Variants in IWS1 observed in about 807,000 individuals in gnomAD.
IWS1 encodes the protein protein IWS1 homolog.
In IWS1, 27 loss-of-function variants were observed where a neutral mutation model predicts 86.7. That is an observed-to-expected ratio of 0.31 (90% CI 0.23 to 0.43). IWS1 has a LOEUF of 0.43. IWS1 is among the 20% of genes least tolerant of loss of function. IWS1 has a pLI of 1.00. For synonymous variants in IWS1, 313 were observed against 335.1 expected, an observed-to-expected ratio of 0.93 and a Z score of 0.72; for missense variants, 827 against 1,000.8, an observed-to-expected ratio of 0.83 and a Z score of 2.34.
chr2:127,503,575 T>C lies in IWS1; in HGVS notation c.1221A>G (p.Ser407=). Residue 407 remains serine, a splice_region_variant and synonymous_variant, in exon 4 of 14, where the codon TCA becomes TCG. Transcript: ENST00000295321. ...LSDSEDEEKA[S]AKKSRVVSDA... is the part of the protein sequence containing the mutation. The stretch of plus-strand genomic sequence containing the variant: ...CAGAGACAACACGACTCTTCTTTGC[T>C]GCTGTTGAAAAAGAAAATCATCATT... 1.3e-6 allele frequency: 2 copies of C among 1,562,538 alleles called. No homozygotes were observed. The highest frequency in any genetic ancestry group is 1.7e-6 in the Non-Finnish European group (2 of 1,153,026).
Position 127,481,195 on chromosome 2 carries a change from TA to T in IWS1, c.2329-21del. 1 of 1,584,644 alleles carries T rather than the reference TA, an allele frequency of 6.3e-7. No homozygotes were observed. Among genetic ancestry groups the T allele is most frequent in the Non-Finnish European group, 8.5e-7 (1 of 1,171,214 alleles). On this transcript the variant is annotated intron_variant, in intron 13 of 13. Transcript: ENST00000295321. Reference sequence around the variant, plus strand: ...CTGAAACTAAGAGTAAGGGAAAAATTAAAGAGCAAACTACTGAAATACGTAA... The same window carrying T: ...CTGAAACTAAGAGTAAGGGAAAAATTAAGAGCAAACTACTGAAATACGTAA...
chr2:127,496,723 A>G (rs12466957), intron 6 of IWS1, among the ~76,000 whole-genome samples: 77,002 of 151,826 alleles, frequency 0.51, 21,380 homozygotes, highest in Admixed American at 0.66. Context: ...AGGCCCACAC[A>G]ACATGCCTGG....
At position 127,505,123 on chromosome 2, in the gene IWS1, G is replaced by A. The variant is rs1223344985; in HGVS notation, c.780C>T (p.Ala260=). 9.3e-6 allele frequency: 15 copies of A among 1,610,884 alleles called. No individual in the cohort carries two copies. Among genetic ancestry groups the A allele is most frequent in the Non-Finnish European group, 1.3e-5 (15 of 1,178,168 alleles). ...SESEDPPRHQ[A]SDSENEELPK... Reference sequence around the variant, plus strand: ...GAAGCTCTTCATTTTCTGAGTCACTGGCCTGGTGCCTCGGAGGGTCCTCAC... The same window carrying A: ...GAAGCTCTTCATTTTCTGAGTCACTAGCCTGGTGCCTCGGAGGGTCCTCAC... The change falls in exon 3 of 14, where the codon GCC becomes GCT. Residue 260 remains alanine (A), a synonymous_variant. Coordinates refer to ENST00000295321, the MANE Select transcript of IWS1 (RefSeq NM_017969.3). This position sits in a 1 kb window ranked among gnomAD's most constrained non-coding sequence, Gnocchi z 5.0.
intron 1 of IWS1, among the ~76,000 whole-genome samples, chr2:127,525,810 G>A (rs184133008): frequency 6.6e-6 from 1 of 152,308 alleles, no homozygotes; most frequent in Non-Finnish European, 1.5e-5. Flanking sequence ...GCAGTGAAAA[G>A]TCTAGGAAGG....
rs997476618 is a variant in IWS1, at chr2:127,489,607, G to C, written c.2159+225C>G. Reference sequence around the variant, plus strand: ...CACAAGCAATCAGTATCCTGAAACAGGCCCTGTTCCAACAAACTGACCCAG... The same window carrying C: ...CACAAGCAATCAGTATCCTGAAACACGCCCTGTTCCAACAAACTGACCCAG... On this transcript the variant is annotated intron_variant, in intron 11 of 13. Coordinates refer to ENST00000295321, the MANE Select transcript of IWS1 (RefSeq NM_017969.3). The surrounding 1 kb of genome is among the most constrained non-coding windows in gnomAD (Gnocchi z 4.8). The C allele has an allele frequency of 1.8e-6, 1 of 546,526 alleles. No individual in the cohort carries two copies. The highest frequency in any genetic ancestry group is 3.2e-6 in the Non-Finnish European group (1 of 309,722). 33.9% of individuals were successfully genotyped at this position (546,526 alleles called of 1,614,324 possible).
At chr2:127,487,816 C>T (rs1256757515) in intron 12 of IWS1, among the ~76,000 whole-genome samples, 1 of 152,186 alleles carries the variant, frequency 6.6e-6, no homozygotes, top group Non-Finnish European at 1.5e-5. Flanking sequence ...TCCCAAAGTG[C>T]TGGGATTACA....
At chr2:127,487,600 G>C (rs1689993716) in intron 12 of IWS1, among the ~76,000 whole-genome samples, 1 of 152,178 alleles carries the variant, frequency 6.6e-6, no homozygotes, top group Admixed American at 6.5e-5. Flanking sequence ...GCCCGGGCTA[G>C]AGTGCAGTGG....
intron 2 of IWS1, among the ~76,000 whole-genome samples, chr2:127,508,081 T>A (rs1691239877): frequency 1.3e-5 from 2 of 152,116 alleles, no homozygotes; most frequent in Admixed American, 1.3e-4. Context: ...ATACTCAACG[T>A]GTATTTGTTA....
chr2:127,488,473 C>T (rs1478103034), intron 12 of IWS1, among the ~76,000 whole-genome samples: 1 of 152,178 alleles, frequency 6.6e-6, no homozygotes, highest in African/African-American at 2.4e-5. Flanking sequence ...TCAACTCTAG[C>T]CATCTTCTCT....
At chr2:127,523,511 A>C (rs1268330024) in intron 2 of IWS1, among the ~76,000 whole-genome samples, 165 bp downstream of exon 2, 1 of 152,208 alleles carries the variant, frequency 6.6e-6, no homozygotes, top group African/African-American at 2.4e-5. Context: ...CAGTAACCAG[A>C]CCATCCCTAT....
At chr2:127,485,892 G>C (rs2030252) in intron 13 of IWS1, 6 of 152,652 alleles carry the variant, frequency 3.9e-5, no homozygotes, top group Non-Finnish European at 8.8e-5. Flanking sequence ...TATATACTCT[G>C]GTAGGGCCAG....
chr2:127,493,794 T>A (rs560718190), intron 8 of IWS1, among the ~76,000 whole-genome samples: 4 of 148,694 alleles, frequency 2.7e-5, no homozygotes, highest in Admixed American at 2.7e-4. Context: ...GATTTGCTCT[T>A]CTCTGCAGGA....
At chr2:127,481,642 AGAT>A in intron 13 of IWS1, among the ~76,000 whole-genome samples, 1 of 152,332 alleles carries the variant, frequency 6.6e-6, no homozygotes, top group Non-Finnish European at 1.5e-5. Flanking sequence ...AAATGAGGTT[AGAT>A]GATTAGTGAA....
chr2:127,489,837 C>T lies in IWS1; in HGVS notation c.2154G>A (p.Met718Ile), dbSNP rs778455803. 1 of 1,568,072 alleles carries T rather than the reference C, an allele frequency of 6.4e-7. No homozygotes were observed. The highest frequency in any genetic ancestry group is 8.8e-7 in the Non-Finnish European group (1 of 1,138,078). ...DLEQMPQRRR[M>I]NSTGGQTPRR... is the part of the protein sequence containing the mutation. ...TCATACCTGTTCCCTCATACCTGTT[C>T]ATTCTTCGTCGTTGAGGCATCTGTT... Residue 718 changes from methionine to isoleucine, a missense_variant, in exon 11 of 14, where the codon ATG becomes ATA. This residue lies in a region of IWS1 where 279 missense variants were observed against 440.6 expected (regional missense o/e 0.63). Transcript: ENST00000295321. The surrounding 1 kb of genome is among the most constrained non-coding windows in gnomAD (Gnocchi z 4.8).
intron 2 of IWS1, among the ~76,000 whole-genome samples, chr2:127,508,188 G>C (rs1204364220): frequency 1.3e-5 from 2 of 152,202 alleles, no homozygotes; most frequent in Admixed American, 6.5e-5. Context: ...AAGACACCAA[G>C]AATCCAGGCG....
intron 2 of IWS1, among the ~76,000 whole-genome samples, chr2:127,518,361 C>CA (rs1194792247): frequency 6.6e-6 from 1 of 152,014 alleles, no homozygotes; most frequent in Non-Finnish European, 1.5e-5. Flanking sequence ...ACTATAAATA[C>CA]AAAAATTAGC....
chr2:127,483,571 C>CGGGGGGGGGGGGGGGGGGGGG (rs1419283644), intron 13 of IWS1, among the ~76,000 whole-genome samples: 6 of 20,170 alleles, frequency 3.0e-4, no homozygotes, highest in African/African-American at 1.2e-3. Context: ...ATAATTTGGT[C>CGGGGGGGGGGGGGGGGGGGGG]GGGGCGGGGG....
At chr2:127,501,085 A>G (rs1220879902) in intron 5 of IWS1, among the ~76,000 whole-genome samples, 1 of 152,202 alleles carries the variant, frequency 6.6e-6, no homozygotes, top group Non-Finnish European at 1.5e-5. Context: ...AGACTTATAC[A>G]CATACTTTTG....
intron 2 of IWS1, among the ~76,000 whole-genome samples, chr2:127,515,436 C>T (rs1691718191): frequency 6.6e-6 from 1 of 152,190 alleles, no homozygotes; most frequent in Non-Finnish European, 1.5e-5. Flanking sequence ...GGTCCTCACC[C>T]ATACACACAT....
Sources: gnomAD v4.1 joint callset for allele counts (sites outside exome capture counted in the v4.1 genomes callset) on GRCh38, gnomAD v4.1.1 for gene constraint, gnomAD v4.1.1 regional missense constraint, Gnocchi (gnomAD v3.1) non-coding constraint, MANE v1.5 for transcripts, NCBI Gene and HGNC (gene_info 2026-07-23, HGNC 2026-07-21) for gene names.